TENM4: variants seen among roughly 807,000 people sequenced by gnomAD.
The protein encoded by TENM4 is teneurin-4.
A neutral mutation model predicts 243.3 loss-of-function variants in TENM4; 82 were observed. That is an observed-to-expected ratio of 0.34 (90% CI 0.28 to 0.40). The LOEUF (loss-of-function observed/expected upper bound fraction) is 0.40. Among genes scored for constraint, TENM4 ranks in the 10% least tolerant of loss-of-function variants. The probability of loss-of-function intolerance (pLI) is 1.00; values close to 1 mark genes in which losing one functional copy is unlikely to be tolerated. For missense variants in TENM4, 3,138 were observed against 3,673.3 expected, an observed-to-expected ratio of 0.85 and a Z score of 3.77; for synonymous variants, 1,412 against 1,456.3, an observed-to-expected ratio of 0.97 and a Z score of 0.69.
rs116395431 is a variant in TENM4 at position 78,811,054 on chromosome 11, G to A, written c.1978+1068C>T. On this transcript the variant is annotated intron_variant, in intron 14 of 33. Coordinates refer to ENST00000278550, the MANE Select transcript of TENM4 (RefSeq NM_001098816.3). ...ACATAAGAGCTCACATTTATGGAGC[G>A]TTTACTATGTGTCAGACACTGAGCT... Among the ~76,000 whole-genome samples, 741 of 152,296 alleles carry A rather than the reference G, an allele frequency of 4.9e-3. 12 individuals carry two copies. Among genetic ancestry groups the A allele is most frequent in the African/African-American group, 0.017 (716 of 41,560 alleles).
intron 2 of TENM4, among the ~76,000 whole-genome samples, chr11:79,288,499 TG>T (rs1856297001): frequency 6.6e-6 from 1 of 152,230 alleles, no homozygotes; most frequent in South Asian, 2.1e-4. Context: ...CAGGGAACTC[TG>T]GCAAAGCTCA....
intron 1 of TENM4, among the ~76,000 whole-genome samples, chr11:79,331,815 A>G (rs1857066537): frequency 6.6e-6 from 1 of 152,184 alleles, no homozygotes; most frequent in Non-Finnish European, 1.5e-5. Context: ...CTCTCTATTC[A>G]GGTGGAGGCT....
chr11:78,903,251 C>G lies in TENM4; in HGVS notation c.749+17G>C. The G allele has an allele frequency of 6.7e-7, 1 of 1,487,850 alleles. No homozygotes were observed. Among genetic ancestry groups the G allele is most frequent in the Non-Finnish European group, 8.9e-7 (1 of 1,124,624 alleles). 92.2% of individuals were successfully genotyped at this position (1,487,850 alleles called of 1,614,324 possible). A position where few individuals can be genotyped will look rare whatever the true frequency, so the allele number is the denominator to read the frequency against. The stretch of plus-strand genomic sequence containing the variant: ...TGCCCACCCTCCTCAGCCTCACCCT[C>G]CCTACCGGCCGCGCACCTGGTCTCC... On this transcript the variant is annotated intron_variant, in intron 7 of 33. Coordinates refer to ENST00000278550, the MANE Select transcript of TENM4 (RefSeq NM_001098816.3).
At chr11:79,318,591 A>G (rs1489636305) in intron 1 of TENM4, among the ~76,000 whole-genome samples, 1 of 152,192 alleles carries the variant, frequency 6.6e-6, no homozygotes, top group African/African-American at 2.4e-5. Flanking sequence ...GAGATGAGTG[A>G]TAACAGCCAT....
chr11:78,997,442 G>T (rs1484346535), intron 6 of TENM4, among the ~76,000 whole-genome samples: 1 of 152,132 alleles, frequency 6.6e-6, no homozygotes, highest in African/African-American at 2.4e-5. Context: ...AAGAAAGTTG[G>T]AAAAAATAAA....
In TENM4 at chr11:79,256,465, C is replaced by G. The variant is rs900099152; in HGVS notation, c.-264-40556G>C. On this transcript the variant is annotated intron_variant, in intron 2 of 33. Coordinates refer to ENST00000278550, the MANE Select transcript of TENM4 (RefSeq NM_001098816.3). Reference sequence around the variant, plus strand: ...CCACATCACCAGGCACTGGCAGAACCAGAATCCCAAGCCAGGACTGCCCAG... The same window carrying G: ...CCACATCACCAGGCACTGGCAGAACGAGAATCCCAAGCCAGGACTGCCCAG... Among the ~76,000 whole-genome samples the G allele has an allele frequency of 2.0e-5, 3 of 152,192 alleles. No homozygotes were observed. The East Asian group carries it at 5.8e-4, about 29-fold the overall frequency.
intron 6 of TENM4, among the ~76,000 whole-genome samples, chr11:79,024,085 A>C (rs551959283): frequency 1.3e-5 from 2 of 152,178 alleles, no homozygotes; most frequent in Non-Finnish European, 2.9e-5. Flanking sequence ...AGTTGCCATA[A>C]ATAGAGATAT....
intron 6 of TENM4, among the ~76,000 whole-genome samples, chr11:78,925,361 C>T (rs780163231): frequency 1.3e-5 from 2 of 151,896 alleles, no homozygotes; most frequent in Non-Finnish European, 2.9e-5. Context: ...TAGTAGTTTT[C>T]CTGTTGCCCA....
intron 2 of TENM4, among the ~76,000 whole-genome samples, chr11:79,224,705 C>T (rs780611172): frequency 1.3e-5 from 2 of 152,136 alleles, no homozygotes; most frequent in African/African-American, 2.4e-5. Context: ...AATCCCAACA[C>T]TTTGGGAGGC....
intron 6 of TENM4, among the ~76,000 whole-genome samples, chr11:79,054,379 A>G (rs1296055609): frequency 6.6e-6 from 1 of 152,128 alleles, no homozygotes; most frequent in Non-Finnish European, 1.5e-5. Context: ...GGATCCTAGA[A>G]ATACTAGGCC....
intron 15 of TENM4, among the ~76,000 whole-genome samples, chr11:78,792,255 C>G (rs775626174): frequency 6.6e-6 from 1 of 152,110 alleles, no homozygotes; most frequent in Non-Finnish European, 1.5e-5. Context: ...GTAGTGGTCT[C>G]AAACTTTGGG....
chr11:79,148,903 G>GAGAC lies in TENM4; in HGVS notation c.-162-101_-162-98dup, dbSNP rs201642398. The GAGAC allele has an allele frequency of 6.8e-3, 1,547 of 227,896 alleles. 37 individuals carry two copies. In the East Asian group the frequency reaches 0.073, roughly 11 times the overall value. The allele number at this position is 227,896 out of a possible 1,614,324, so 14.1% of individuals were successfully genotyped here. ...TTCTGGCAGCTTGGGAGGTGGGGGT[G>GAGAC]AGACGTGGGCATGGGCATTAGTAGC... On this transcript the variant is annotated intron_variant, in intron 3 of 33. Transcript: ENST00000278550.
intron 4 of TENM4, among the ~76,000 whole-genome samples, chr11:79,105,372 A>T (rs7125184): frequency 0.43 from 65,587 of 152,064 alleles, 15,959 homozygotes; most frequent in Non-Finnish European, 0.57. Context: ...GGAACAAAGG[A>T]TGTGTGGAAA....
In TENM4 at chr11:78,657,251, G is replaced by C. The variant is rs1221865504; in HGVS notation, c.*807C>G. On this transcript the variant is annotated 3_prime_UTR_variant, in exon 34 of 34. Transcript: ENST00000278550. ...GCATCCTGGGTGCTTTCCCTCCCGG[G>C]AGGATGGGACTCTGAGCCCAGGATG... 2.5e-6 allele frequency: 1 copy of C among 398,656 alleles called. No homozygotes were observed. The highest frequency in any genetic ancestry group is 4.4e-6 in the Non-Finnish European group (1 of 226,156). 24.7% of individuals were successfully genotyped at this position (398,656 alleles called of 1,614,324 possible).
chr11:78,666,629 A>G (rs1319207001), intron 32 of TENM4, among the ~76,000 whole-genome samples: 1 of 152,198 alleles, frequency 6.6e-6, no homozygotes, highest in Non-Finnish European at 1.5e-5. Context: ...CTGGATTTGG[A>G]GGCCAGCATG....
intron 6 of TENM4, among the ~76,000 whole-genome samples, chr11:79,003,643 C>T (rs779890311): frequency 2.1e-4 from 32 of 152,006 alleles, no homozygotes; most frequent in Non-Finnish European, 4.1e-4. Flanking sequence ...AAAAGGTCTG[C>T]AAGGGAGTGC....
chr11:78,758,272 A>C (rs1856355816), intron 18 of TENM4, among the ~76,000 whole-genome samples: 1 of 152,222 alleles, frequency 6.6e-6, no homozygotes, highest in African/African-American at 2.4e-5. Flanking sequence ...ACTTAGTGGA[A>C]GTGCTTAAAA....
chr11:79,101,044 AAAGC>A (rs143378313), intron 4 of TENM4, among the ~76,000 whole-genome samples: 3,398 of 152,230 alleles, frequency 0.022, 124 homozygotes, highest in East Asian at 0.19. Context: ...ATTATAAAGA[AAAGC>A]AAGAGAATAA....
intron 2 of TENM4, among the ~76,000 whole-genome samples, chr11:79,260,335 C>T (rs997151030): frequency 2.6e-5 from 4 of 152,158 alleles, no homozygotes; most frequent in Non-Finnish European, 4.4e-5. Context: ...CCCAGGATGC[C>T]TCACCTACAT....
Sources: allele counts gnomAD v4.1 joint callset (sites outside exome capture counted in the v4.1 genomes callset), GRCh38; gene constraint gnomAD v4.1.1; transcripts MANE v1.5; gene names NCBI Gene and HGNC (gene_info 2026-07-23, HGNC 2026-07-21).